MEGF6: variants seen among roughly 807,000 people sequenced by gnomAD.
The protein encoded by MEGF6 is multiple epidermal growth factor-like domains protein 6.
Under a neutral mutation model 207.1 loss-of-function variants are expected in MEGF6, and 184 were observed. The ratio of observed to expected loss-of-function variants is 0.89; its 90% CI spans 0.79 to 1.00. The LOEUF is 1.00. MEGF6 is among the 50% of genes least tolerant of loss of function. MEGF6 has a pLI of 0.00. For missense variants in MEGF6, 2,282 were observed against 2,202.9 expected (o/e 1.04, Z -0.72); for synonymous variants, 1,038 against 910.0 (o/e 1.14, Z -2.53).
At chr1:3,615,560 C>T (rs1429703729), upstream of MEGF6, among the ~76,000 whole-genome samples, 2 of 152,254 alleles carry the variant, frequency 1.3e-5, no homozygotes, top group Non-Finnish European at 2.9e-5. Context: ...TTAGGAAGTA[C>T]AGACCCGGTG....
chr1:3,537,736 C>A (rs1388269876), intron 4 of MEGF6, among the ~76,000 whole-genome samples: 1 of 152,208 alleles, frequency 6.6e-6, no homozygotes, highest in Non-Finnish European at 1.5e-5. Flanking sequence ...GCCCTGGGCA[C>A]ACGCATTGGT....
At chr1:3,580,410 A>T (rs1643766539) in intron 3 of MEGF6, among the ~76,000 whole-genome samples, 1 of 152,210 alleles carries the variant, frequency 6.6e-6, no homozygotes, top group African/African-American at 2.4e-5. Context: ...CAGGCCAGTC[A>T]GACCCCAGGG....
chr1:3,509,353 C>T, intron 11 of MEGF6, 108 bp from the exon 12 acceptor site: 1 of 975,002 alleles, frequency 1.0e-6, no homozygotes, highest in Non-Finnish European at 1.4e-6. Context: ...AACCCCACCA[C>T]CCTCCTACTG....
chr1:3,599,912 C>T (rs1266738735), intron 2 of MEGF6, among the ~76,000 whole-genome samples: 1 of 152,186 alleles, frequency 6.6e-6, no homozygotes, highest in Non-Finnish European at 1.5e-5. Flanking sequence ...AGGCACGACC[C>T]CAGGCCCAGG....
intron 4 of MEGF6, among the ~76,000 whole-genome samples, chr1:3,551,610 G>A (rs1557770863): frequency 6.6e-6 from 1 of 152,132 alleles, no homozygotes; most frequent in Non-Finnish European, 1.5e-5. Flanking sequence ...CCTCTCAGTG[G>A]TCACAGGCTG....
intron 4 of MEGF6, among the ~76,000 whole-genome samples, chr1:3,532,890 G>T (rs1037571062): frequency 6.6e-6 from 1 of 152,232 alleles, no homozygotes; most frequent in Non-Finnish European, 1.5e-5. Flanking sequence ...ATTCCCTGCA[G>T]GGGAGGGCTA....
At chr1:3,501,400 G>A (rs866767407) in intron 18 of MEGF6, 92 bp from the exon 19 acceptor site, 60 of 1,464,014 alleles carry the variant, frequency 4.1e-5, no homozygotes, top group South Asian at 2.5e-4. Flanking sequence ...AGCCACGGCC[G>A]AGGAGGTGGA....
chr1:3,517,521 G>A (rs757549946), intron 5 of MEGF6, among the ~76,000 whole-genome samples: 5 of 152,334 alleles, frequency 3.3e-5, no homozygotes, highest in South Asian at 2.1e-4. Context: ...ACGGATTCCC[G>A]GAAAGCTGAA....
intron 35 of MEGF6, 66 bp downstream of exon 35, chr1:3,492,573 C>T (rs1640416183): frequency 6.3e-7 from 1 of 1,585,326 alleles, no homozygotes; most frequent in African/African-American, 1.3e-5. Flanking sequence ...GATCCTCTGC[C>T]AGGGTGGAGC....
In MEGF6 at chr1:3,505,398, C is replaced by CACCG; in HGVS notation, c.2053+23_2053+24insCGGT. The CACCG allele has an allele frequency of 4.4e-6, 7 of 1,579,040 alleles. 1 individual carries two copies. The Admixed American group carries it at 9.3e-5, about 21-fold the overall frequency. Reference sequence around the variant, plus strand: ...TTAACCGACCCTGGCGCCCCCCGCCCCCAGACCCCATGCCTGGACTCACCT... The same window carrying CACCG: ...TTAACCGACCCTGGCGCCCCCCGCCCACCGCCAGACCCCATGCCTGGACTCACCT... On this transcript the variant is annotated intron_variant, in intron 16 of 36. Transcript: ENST00000356575.
At chr1:3,559,522 T>TAAAAA (rs59799522) in intron 4 of MEGF6, among the ~76,000 whole-genome samples, 9 of 105,516 alleles carry the variant, frequency 8.5e-5, no homozygotes, top group East Asian at 3.5e-4. Context: ...CCTTGTCTCT[T>TAAAAA]AAAAAAAAAA....
At chr1:3,566,004 C>T (rs551286064) in intron 4 of MEGF6, among the ~76,000 whole-genome samples, 55 of 152,310 alleles carry the variant, frequency 3.6e-4, no homozygotes, top group African/African-American at 1.3e-3. Context: ...GATCCCACCA[C>T]GGTGGGTGAC....
upstream of MEGF6, among the ~76,000 whole-genome samples, chr1:3,611,660 C>T (rs1382171180): frequency 5.4e-5 from 8 of 148,166 alleles, no homozygotes; most frequent in African/African-American, 1.0e-4. Flanking sequence ...GCCCCGCCCC[C>T]GGCACGGCCC....
intron 4 of MEGF6, among the ~76,000 whole-genome samples, chr1:3,577,906 G>A (rs1643687119): frequency 6.6e-6 from 1 of 152,198 alleles, no homozygotes; most frequent in African/African-American, 2.4e-5. Flanking sequence ...ACGAGACGCC[G>A]AGTTCCCCCA....
intron 17 of MEGF6, among the ~76,000 whole-genome samples, chr1:3,503,736 G>A (rs1239112096): frequency 6.6e-6 from 1 of 151,718 alleles, no homozygotes; most frequent in Non-Finnish European, 1.5e-5. Flanking sequence ...GTGCATGTAT[G>A]TGTGTACACG....
At chr1:3,496,815 G>A in intron 28 of MEGF6, 32 bp from the exon 29 acceptor site, 3 of 1,545,388 alleles carry the variant, frequency 1.9e-6, no homozygotes, top group Non-Finnish European at 2.6e-6. Context: ...GCAGGGGCTG[G>A]GGCTGGAGGC....
chr1:3,536,179 G>A (rs1451839210), intron 4 of MEGF6, among the ~76,000 whole-genome samples: 1 of 152,116 alleles, frequency 6.6e-6, no homozygotes, highest in African/African-American at 2.4e-5. Flanking sequence ...CCAACTCAGA[G>A]GTCACCTCTG....
chr1:3,604,214 G>A (rs1353477332), intron 1 of MEGF6, among the ~76,000 whole-genome samples: 1 of 152,212 alleles, frequency 6.6e-6, no homozygotes, highest in African/African-American at 2.4e-5. Flanking sequence ...CTCCTGCCGA[G>A]AGGTTCTGCC....
chr1:3,555,629 G>A (rs1354273683), intron 4 of MEGF6, among the ~76,000 whole-genome samples: 1 of 152,200 alleles, frequency 6.6e-6, no homozygotes, highest in Non-Finnish European at 1.5e-5. Context: ...GGGGCCCCAG[G>A]GAGCTGAACC....
Sources: allele counts gnomAD v4.1 joint callset (sites outside exome capture counted in the v4.1 genomes callset), GRCh38; gene constraint gnomAD v4.1.1; transcripts MANE v1.5; gene names NCBI Gene and HGNC (gene_info 2026-07-23, HGNC 2026-07-21).